KCNU1: variants seen among roughly 807,000 people sequenced by gnomAD.
KCNU1 encodes the protein potassium calcium-activated channel subfamily U member 1, also known as potassium channel subfamily U member 1.
KCNU1 carries 93 observed loss-of-function variants against 126.8 expected under a neutral mutation model. That is an observed-to-expected ratio of 0.73 (90% CI 0.62 to 0.87). KCNU1 has a LOEUF of 0.87. Ranked by LOEUF, KCNU1 falls within the 40% of genes least tolerant of loss-of-function variation. The pLI is 0.00. For synonymous variants in KCNU1, 523 were observed against 494.2 expected, an observed-to-expected ratio of 1.06 and a Z score of -0.77; for missense variants, 1,330 against 1,367.1, an observed-to-expected ratio of 0.97 and a Z score of 0.43.
rs139719215 is a variant in KCNU1 at position 36,905,015 on chromosome 8, C to G, written c.2010-693C>G. On this transcript the variant is annotated intron_variant, in intron 19 of 26. Transcript: ENST00000399881. ...AAGGGTTTTCTTATTCTCTCACAAGCAAATATGCATTCCTTAGGATGAAAG... is the reference window on the plus strand; with the variant it reads ...AAGGGTTTTCTTATTCTCTCACAAGGAAATATGCATTCCTTAGGATGAAAG... Among the ~76,000 whole-genome samples the G allele has an allele frequency of 5.6e-3, 845 of 152,168 alleles. 12 individuals carry two copies. The highest frequency in any genetic ancestry group is 0.019 in the African/African-American group (807 of 41,522).
chr8:36,893,175 T>C (rs986617331), intron 19 of KCNU1, among the ~76,000 whole-genome samples: 2 of 150,996 alleles, frequency 1.3e-5, no homozygotes, highest in African/African-American at 4.9e-5. Context: ...GGTTTCGCCA[T>C]GTTGCCCAGG....
chr8:36,851,532 TC>T (rs1448491689), intron 18 of KCNU1, among the ~76,000 whole-genome samples: 1 of 152,138 alleles, frequency 6.6e-6, no homozygotes, highest in African/African-American at 2.4e-5. Context: ...CCGTTTTTCT[TC>T]ATAAAATAGT....
At chr8:36,859,852 G>A (rs967273844) in intron 18 of KCNU1, among the ~76,000 whole-genome samples, 5 of 152,138 alleles carry the variant, frequency 3.3e-5, no homozygotes, top group Non-Finnish European at 7.3e-5. Flanking sequence ...AAGGTTAAAT[G>A]AGAATATCAG....
At chr8:36,857,747 G>A (rs1258298721) in intron 18 of KCNU1, among the ~76,000 whole-genome samples, 1 of 152,086 alleles carries the variant, frequency 6.6e-6, no homozygotes, top group African/African-American at 2.4e-5. Context: ...CCGGGTTAAA[G>A]TGATTCTCCT....
At chr8:36,902,624 G>C (rs1229822588) in intron 19 of KCNU1, among the ~76,000 whole-genome samples, 3 of 152,102 alleles carry the variant, frequency 2.0e-5, no homozygotes, top group African/African-American at 7.2e-5. Context: ...CACATGTTCT[G>C]AGGATCCTAG....
chr8:36,791,640 A>G (rs1802905512), intron 2 of KCNU1, among the ~76,000 whole-genome samples: 1 of 152,170 alleles, frequency 6.6e-6, no homozygotes, highest in Non-Finnish European at 1.5e-5. Flanking sequence ...GTGCACAAAT[A>G]AAGCATCATA....
rs756214265 is a variant in KCNU1 at position 36,836,348 on chromosome 8, C to A, written c.1348C>A (p.Leu450Met). 3 of 1,600,856 alleles carry A rather than the reference C, an allele frequency of 1.9e-6. No homozygotes were observed. The Admixed American group carries it at 5.0e-5, about 27-fold the overall frequency. Residue 450 changes from leucine to methionine, a missense_variant, in exon 13 of 27, where the codon CTG becomes ATG. Leu to Met is a conservative substitution (Grantham distance 15). Coordinates refer to ENST00000399881, the MANE Select transcript of KCNU1 (RefSeq NM_001031836.3). ...DSTTRIIIQI[L>M]QSHNKVYLPK... ...TACCACCAGAATCATCATACAGATA[C>A]TGCAATCCCATAACAAGGTATAGTA...
rs141457495 is a variant in KCNU1, at chr8:36,838,540, T to A, written c.1518+1595T>A. Among the ~76,000 whole-genome samples, 756 of 151,876 alleles carry A rather than the reference T, an allele frequency of 5.0e-3. 10 individuals carry two copies. Among genetic ancestry groups the A allele is most frequent in the African/African-American group, 0.017 (717 of 41,426 alleles). On this transcript the variant is annotated intron_variant, in intron 14 of 26. Coordinates refer to ENST00000399881, the MANE Select transcript of KCNU1 (RefSeq NM_001031836.3). ...ACCCTGTCTCTAGTAAAAATATATATAAAAAAATTAGCCAGGCATGGTGGC... is the reference window on the plus strand; with the variant it reads ...ACCCTGTCTCTAGTAAAAATATATAAAAAAAAATTAGCCAGGCATGGTGGC...
At chr8:36,904,466 C>G (rs1365170459) in intron 19 of KCNU1, among the ~76,000 whole-genome samples, 2 of 152,164 alleles carry the variant, frequency 1.3e-5, no homozygotes, top group Non-Finnish European at 2.9e-5. Context: ...TCAACTTCAA[C>G]AGTCTATTCA....
At chr8:36,857,477 C>T (rs1455104644) in intron 18 of KCNU1, among the ~76,000 whole-genome samples, 1 of 152,274 alleles carries the variant, frequency 6.6e-6, no homozygotes, top group African/African-American at 2.4e-5. Context: ...CAGAATGAAG[C>T]TTTTATCACA....
At chr8:36,917,224 T>C (rs571683234) in intron 22 of KCNU1, among the ~76,000 whole-genome samples, 24 of 152,338 alleles carry the variant, frequency 1.6e-4, no homozygotes, top group African/African-American at 5.1e-4. Flanking sequence ...CAATATTTTT[T>C]TCCTCTTACA....
chr8:36,885,515 C>T (rs1806662197), intron 19 of KCNU1, among the ~76,000 whole-genome samples: 1 of 152,090 alleles, frequency 6.6e-6, no homozygotes, highest in Non-Finnish European at 1.5e-5. Flanking sequence ...GATCGCACCA[C>T]TGCACTCCAG....
intron 18 of KCNU1, among the ~76,000 whole-genome samples, chr8:36,846,574 G>A (rs996525654): frequency 2.0e-5 from 3 of 151,982 alleles, no homozygotes; most frequent in African/African-American, 7.2e-5. Context: ...GAGGCCAAGG[G>A]GGGTGGATCA....
In KCNU1 at chr8:36,815,024, G is replaced by A. The variant is rs373400508; in HGVS notation, c.904-572G>A. Among the ~76,000 whole-genome samples the A allele has an allele frequency of 6.6e-5, 10 of 152,128 alleles. 1 individual carries two copies. The East Asian group carries it at 1.2e-3, about 18-fold the overall frequency. ...AAATAGAATAAAGTCAGAGTGAGAC[G>A]GGAAGTTAGAAGCGATAAAAAGAGG... is the stretch of plus-strand genomic sequence containing the variant. On this transcript the variant is annotated intron_variant, in intron 8 of 26. Transcript: ENST00000399881.
At chr8:36,798,711 AT>A (rs781543134) in intron 2 of KCNU1, among the ~76,000 whole-genome samples, 29 of 152,146 alleles carry the variant, frequency 1.9e-4, no homozygotes, top group Admixed American at 3.9e-4. Flanking sequence ...AAATGTTTAA[AT>A]TTACCTATAT....
chr8:36,914,050 T>C (rs1288691460), intron 22 of KCNU1, among the ~76,000 whole-genome samples: 2 of 152,156 alleles, frequency 1.3e-5, no homozygotes, highest in African/African-American at 2.4e-5. Context: ...CAGAAGCCTG[T>C]TTGGCTTTCT....
intron 18 of KCNU1, among the ~76,000 whole-genome samples, chr8:36,858,068 G>A (rs1272877977): frequency 4.7e-5 from 7 of 150,370 alleles, no homozygotes; most frequent in Non-Finnish European, 7.4e-5. Flanking sequence ...AGTTTATGAA[G>A]CTTCTGCTGC....
intron 2 of KCNU1, among the ~76,000 whole-genome samples, chr8:36,791,564 C>T (rs537604549): frequency 5.3e-5 from 8 of 152,198 alleles, no homozygotes; most frequent in Non-Finnish European, 7.4e-5. Flanking sequence ...GTGTAATCCT[C>T]TCTGTAGATA....
At chr8:36,791,011 A>C (rs1228452185) in intron 2 of KCNU1, among the ~76,000 whole-genome samples, 2 of 149,786 alleles carry the variant, frequency 1.3e-5, no homozygotes, top group African/African-American at 4.9e-5. Flanking sequence ...AAAAAAAAAA[A>C]GGAAAAAGGA....
Sources: allele counts gnomAD v4.1 joint callset (sites outside exome capture counted in the v4.1 genomes callset), GRCh38; gene constraint gnomAD v4.1.1; transcripts MANE v1.5; gene names NCBI Gene and HGNC (gene_info 2026-07-23, HGNC 2026-07-21).